The following C8orf34 variants were observed in gnomAD, a reference collection of about 807,000 sequenced individuals.
C8orf34 encodes the protein chromosome 8 open reading frame 34.
C8orf34 carries 65 observed loss-of-function variants against 68.3 expected under a neutral mutation model. The observed-to-expected ratio is 0.95, with a 90% CI of 0.78 to 1.17. C8orf34 has a LOEUF of 1.17. C8orf34 is among the 50% of genes most tolerant of loss of function. The probability of loss-of-function intolerance (pLI) is 0.00; values close to 1 mark genes in which losing one functional copy is unlikely to be tolerated. For missense variants in C8orf34, 664 were observed against 655.4 expected, an observed-to-expected ratio of 1.01 and a Z score of -0.14; for synonymous variants, 244 against 241.2, an observed-to-expected ratio of 1.01 and a Z score of -0.11.
intron 10 of C8orf34, among the ~76,000 whole-genome samples, chr8:68,774,946 A>AAAAAAAAAAAAAAAAAAAAAAAC: frequency 7.2e-6 from 1 of 138,518 alleles, no homozygotes; most frequent in Non-Finnish European, 1.6e-5. Context: ...GTCTCCACTA[A>AAAAAAAAAAAAAAAAAAAAAAAC]AAAAAAAAAA....
Position 68,691,354 on chromosome 8 carries a change from G to A in C8orf34, c.1242-17640G>A, listed in dbSNP as rs529715599. Among the ~76,000 whole-genome samples the A allele has an allele frequency of 1.6e-4, 24 of 152,028 alleles. 1 individual carries two copies. The South Asian group carries it at 3.7e-3, about 24-fold the overall frequency. Reference sequence around the variant, plus strand: ...TACATTTTGGGGACATAATGCTATCGCACACTTAATAGACTACAGTATAGT... The same window carrying A: ...TACATTTTGGGGACATAATGCTATCACACACTTAATAGACTACAGTATAGT... On this transcript the variant is annotated intron_variant, in intron 8 of 13. Coordinates refer to ENST00000518698, the MANE Select transcript of C8orf34 (RefSeq NM_052958.4).
At chr8:68,784,661 A>C (rs888217755) in intron 11 of C8orf34, among the ~76,000 whole-genome samples, 1 of 152,178 alleles carries the variant, frequency 6.6e-6, no homozygotes, top group Non-Finnish European at 1.5e-5. Flanking sequence ...ACTTACAGAT[A>C]TTTATTGCAT....
At chr8:68,730,269 A>G (rs1333284848) in intron 10 of C8orf34, among the ~76,000 whole-genome samples, 1 of 152,166 alleles carries the variant, frequency 6.6e-6, no homozygotes, top group Admixed American at 6.5e-5. Context: ...AATGAAATTT[A>G]TGTTAAAGAA....
intron 4 of C8orf34, among the ~76,000 whole-genome samples, chr8:68,486,569 A>G (rs149834817): frequency 8.5e-5 from 13 of 152,284 alleles, no homozygotes; most frequent in African/African-American, 2.9e-4. Context: ...GGGATCTACA[A>G]TGGTGTCATT....
At chr8:68,330,693 G>T (rs1033939063), upstream of C8orf34, 19 of 297,962 alleles carry the variant, frequency 6.4e-5, no homozygotes, top group Non-Finnish European at 1.1e-4. Flanking sequence ...AAGCGGCGCT[G>T]TCGCTAGGGA....
At chr8:68,369,093 T>G (rs1376552654) in intron 1 of C8orf34, among the ~76,000 whole-genome samples, 1 of 152,236 alleles carries the variant, frequency 6.6e-6, no homozygotes, top group Non-Finnish European at 1.5e-5. Context: ...TCTATCTTCT[T>G]TTGGTTCAGA....
Position 68,640,357 on chromosome 8 carries a change from ATTGT to A in C8orf34, c.1106-14_1106-11del, listed in dbSNP as rs1431350745. On this transcript the variant is annotated splice_polypyrimidine_tract_variant and intron_variant, in intron 7 of 13. Transcript: ENST00000518698. Reference sequence around the variant, plus strand: ...ACTAGAGTTAATTTTTTTCTCTGTAATTGTTTGTGTTGTTACAGAGGATCTTAAT... The same window carrying A: ...ACTAGAGTTAATTTTTTTCTCTGTAATTGTGTTGTTACAGAGGATCTTAAT... 5.0e-6 allele frequency: 8 copies of A among 1,606,664 alleles called. No individual in the cohort carries two copies. The highest frequency in any genetic ancestry group is 6.8e-6 in the Non-Finnish European group (8 of 1,177,280).
At chr8:68,499,633 AGGTAAAATTTT>A (rs1260630286) in intron 5 of C8orf34, among the ~76,000 whole-genome samples, 3 of 152,160 alleles carry the variant, frequency 2.0e-5, no homozygotes, top group African/African-American at 7.2e-5. Flanking sequence ...TAAAATTCGT[AGGTAAAATTTT>A]GGTGAATTCC....
chr8:68,693,942 G>T (rs556708292), intron 8 of C8orf34, among the ~76,000 whole-genome samples: 11 of 151,998 alleles, frequency 7.2e-5, no homozygotes, highest in Admixed American at 7.2e-4. Context: ...CCACAAAAAG[G>T]GTGGAGGAAT....
chr8:68,766,343 G>A (rs991547781), intron 10 of C8orf34, among the ~76,000 whole-genome samples: 15 of 152,240 alleles, frequency 9.9e-5, no homozygotes, highest in East Asian at 5.8e-4. Flanking sequence ...TACATGTTTG[G>A]TTTAAATTAT....
At chr8:68,370,723 C>G (rs1454993701) in intron 1 of C8orf34, among the ~76,000 whole-genome samples, 1 of 152,178 alleles carries the variant, frequency 6.6e-6, no homozygotes, top group Non-Finnish European at 1.5e-5. Flanking sequence ...TCCTCCAACA[C>G]AGCAAACTGT....
chr8:68,651,263 T>G (rs1033434696), intron 8 of C8orf34, among the ~76,000 whole-genome samples: 3 of 152,184 alleles, frequency 2.0e-5, no homozygotes, highest in Admixed American at 1.3e-4. Flanking sequence ...AAAGGTGATC[T>G]TCCTAGTCAC....
chr8:68,616,787 C>T (rs1387128527), intron 7 of C8orf34, among the ~76,000 whole-genome samples: 1 of 152,102 alleles, frequency 6.6e-6, no homozygotes, highest in Non-Finnish European at 1.5e-5. Flanking sequence ...GTGGAGAGTT[C>T]TGTAGATGTC....
intron 1 of C8orf34, among the ~76,000 whole-genome samples, chr8:68,347,478 C>T (rs1365422484): frequency 6.6e-6 from 1 of 151,960 alleles, no homozygotes; most frequent in Non-Finnish European, 1.5e-5. Context: ...GGCCATATTC[C>T]CACTCAAGGG....
chr8:68,759,589 T>A (rs1822968656), intron 10 of C8orf34, among the ~76,000 whole-genome samples: 1 of 152,188 alleles, frequency 6.6e-6, no homozygotes, highest in Admixed American at 6.5e-5. Flanking sequence ...CTTGTCGGGG[T>A]CTACTGAATT....
At chr8:68,426,986 G>A (rs79996968) in intron 1 of C8orf34, among the ~76,000 whole-genome samples, 1 of 151,992 alleles carries the variant, frequency 6.6e-6, no homozygotes, top group East Asian at 1.9e-4. Flanking sequence ...CACATCAGGG[G>A]GCATTCAATA....
At position 68,524,010 on chromosome 8, in the gene C8orf34, C is replaced by T. The variant is rs187639578; in HGVS notation, c.938+2039C>T. ...CATGAGTGACAAAGGCACAGGCTGA[C>T]GCTAGGCATCTGCTAAATAAAGCTT... On this transcript the variant is annotated intron_variant, in intron 6 of 13. Transcript: ENST00000518698. Among the ~76,000 whole-genome samples, 26 of 152,304 alleles carry T rather than the reference C, an allele frequency of 1.7e-4. No homozygotes were observed. The East Asian group carries it at 2.3e-3, about 14-fold the overall frequency.
intron 1 of C8orf34, among the ~76,000 whole-genome samples, chr8:68,344,490 A>G (rs1806200235): frequency 6.6e-6 from 1 of 152,196 alleles, no homozygotes; most frequent in Non-Finnish European, 1.5e-5. Flanking sequence ...TTGTCAATAT[A>G]AATACCCCAG....
rs1437274610 is a variant in C8orf34 at position 68,617,296 on chromosome 8, A to G, written c.1106-23080A>G. ...TTTAGTCCATTTACATTTAAAGTTA[A>G]TAGTGTTATGTGTGAATTTGATCAT... On this transcript the variant is annotated intron_variant, in intron 7 of 13. Transcript: ENST00000518698. Among the ~76,000 whole-genome samples the G allele has an allele frequency of 2.0e-5, 3 of 152,130 alleles. No homozygotes were observed. In the East Asian group the frequency reaches 5.8e-4, roughly 29 times the overall value.
Sources: gnomAD v4.1 joint callset for allele counts (sites outside exome capture counted in the v4.1 genomes callset) on GRCh38, gnomAD v4.1.1 for gene constraint, MANE v1.5 for transcripts, NCBI Gene and HGNC (gene_info 2026-07-23, HGNC 2026-07-21) for gene names.